Variants in OR51B5 observed in about 807,000 individuals in gnomAD.
OR51B5 encodes olfactory receptor family 51 subfamily B member 5, also known as olfactory receptor 51B5.
For missense variants in OR51B5, 456 were observed against 374.6 expected, an observed-to-expected ratio of 1.22 and a Z score of -1.79; for synonymous variants, 186 against 144.8, an observed-to-expected ratio of 1.28 and a Z score of -2.04.
intron 1 of OR51B5, among the ~76,000 whole-genome samples, chr11:5,424,512 C>A (rs1466822): frequency 0.54 from 81,566 of 151,606 alleles, 22,188 homozygotes; most frequent in African/African-American, 0.56. Context: ...CTGAGGCCGC[C>A]CTCCATCCTC....
chr11:5,456,364 C>T (rs888360696), intron 1 of OR51B5: 3 of 152,032 alleles, frequency 2.0e-5, no homozygotes, highest in Non-Finnish European at 4.4e-5. Flanking sequence ...TTTTTCCCTC[C>T]CTCATGAGAC....
intron 1 of OR51B5, among the ~76,000 whole-genome samples, chr11:5,353,371 G>A (rs982399211): frequency 1.3e-5 from 2 of 152,152 alleles, no homozygotes; most frequent in African/African-American, 4.8e-5. Flanking sequence ...TCATAAAGTG[G>A]TATGAGAGGT....
chr11:5,453,495 T>C (rs371172345), intron 1 of OR51B5: 5 of 1,541,158 alleles, frequency 3.2e-6, no homozygotes, highest in South Asian at 2.6e-5. Flanking sequence ...TGCTATGGGG[T>C]TGTTCAATGT....
chr11:5,390,363 A>G lies in OR51B5; in HGVS notation n.85-43453T>C, dbSNP rs769258777. Reference sequence around the variant, plus strand: ...GCCATTATCAAGTTCCTAGGTCTTAAAAAGGCCAGTAAATGAGTCCTGGGG... The same window carrying G: ...GCCATTATCAAGTTCCTAGGTCTTAGAAAGGCCAGTAAATGAGTCCTGGGG... On this transcript the variant is annotated intron_variant and non_coding_transcript_variant, in intron 1 of 4. Transcript: ENST00000415970. 1.0e-5 allele frequency: 16 copies of G among 1,600,814 alleles called. No individual in the cohort carries two copies. In the South Asian group the frequency reaches 1.5e-4, roughly 15 times the overall value.
intron 1 of OR51B5, among the ~76,000 whole-genome samples, chr11:5,426,385 T>C (rs1161805800): frequency 6.6e-6 from 1 of 152,076 alleles, no homozygotes; most frequent in African/African-American, 2.4e-5. Context: ...ATTTAAGACA[T>C]TATAGGATTA....
At chr11:5,460,613 TG>T (rs34996424) in intron 1 of OR51B5, among the ~76,000 whole-genome samples, 96,287 of 151,956 alleles carry the variant, frequency 0.63, 30,945 homozygotes, top group Non-Finnish European at 0.67. Flanking sequence ...GAACCATTGC[TG>T]GGGGAGCTGG....
intron 1 of OR51B5, among the ~76,000 whole-genome samples, chr11:5,464,812 T>C (rs1488602869): frequency 6.6e-6 from 1 of 152,154 alleles, no homozygotes. Context: ...AGTAATGGGA[T>C]GGCTGGGTCA....
intron 1 of OR51B5, among the ~76,000 whole-genome samples, chr11:5,466,889 C>A (rs1334300449): frequency 1.3e-5 from 2 of 152,222 alleles, no homozygotes. Flanking sequence ...TTTTGGGAAG[C>A]TGTATTTAGC....
intron 1 of OR51B5, among the ~76,000 whole-genome samples, chr11:5,467,303 C>T (rs12576842): frequency 0.13 from 20,314 of 152,090 alleles, 1,681 homozygotes; most frequent in East Asian, 0.37. Flanking sequence ...CTTAATGAGA[C>T]GTTCAGGGGG....
At chr11:5,342,009 T>G (rs1259830685), downstream of OR51B5, among the ~76,000 whole-genome samples, 1 of 152,186 alleles carries the variant, frequency 6.6e-6, no homozygotes, top group Non-Finnish European at 1.5e-5. Context: ...CATTATAATT[T>G]GATGGAGGGA....
intron 1 of OR51B5, among the ~76,000 whole-genome samples, chr11:5,381,180 A>ACACC (rs985867470): frequency 6.7e-6 from 1 of 148,578 alleles, no homozygotes. Flanking sequence ...TCTCTCACAC[A>ACACC]CACACAAACA....
chr11:5,443,645 T>C (rs1850724884), intron 1 of OR51B5, among the ~76,000 whole-genome samples: 1 of 152,134 alleles, frequency 6.6e-6, no homozygotes, highest in Non-Finnish European at 1.5e-5. Context: ...TGAGGTAGTC[T>C]AGAAAGTAAT....
chr11:5,343,048 C>G (rs146969859), exon 1 of OR51B5: 5 of 1,613,410 alleles, frequency 3.1e-6, no homozygotes, highest in Non-Finnish European at 4.2e-6. Flanking sequence ...AATAGAGGGG[C>G]CTGATTGGGG....
At chr11:5,425,011 G>A (rs1440702407) in intron 1 of OR51B5, among the ~76,000 whole-genome samples, 6 of 148,156 alleles carry the variant, frequency 4.0e-5, no homozygotes, top group Non-Finnish European at 7.4e-5. Context: ...GTGAAAGGCA[G>A]AAAGCAAATA....
At chr11:5,368,134 C>T (rs1388249734) in intron 1 of OR51B5, among the ~76,000 whole-genome samples, 1 of 152,216 alleles carries the variant, frequency 6.6e-6, no homozygotes, top group African/African-American at 2.4e-5. Flanking sequence ...TTTGTTGCAT[C>T]TTCAACCAAT....
At chr11:5,502,561 G>T (rs1366640836) in intron 1 of OR51B5, among the ~76,000 whole-genome samples, 1 of 152,102 alleles carries the variant, frequency 6.6e-6, no homozygotes, top group African/African-American at 2.4e-5. Flanking sequence ...CATGAAATTT[G>T]TTGTAATTAT....
intron 1 of OR51B5, among the ~76,000 whole-genome samples, chr11:5,418,236 C>A (rs1056076120): frequency 6.6e-6 from 1 of 151,894 alleles, no homozygotes. Flanking sequence ...AGGGGAACAT[C>A]ACACTCTGGG....
exon 1 of OR51B5, chr11:5,343,134 T>TATATCTAAG (rs756625882): frequency 5.0e-6 from 8 of 1,613,260 alleles, no homozygotes. Flanking sequence ...AGTACAGAGG[T>TATATCTAAG]ATATCTAAGA....
intron 1 of OR51B5, among the ~76,000 whole-genome samples, chr11:5,367,209 G>T (rs1268814981): frequency 2.6e-5 from 4 of 152,148 alleles, no homozygotes; most frequent in Non-Finnish European, 5.9e-5. Flanking sequence ...GGAGATTTTT[G>T]AAGTTAAAAG....
Sources: gnomAD v4.1 joint callset for allele counts (sites outside exome capture counted in the v4.1 genomes callset) on GRCh38, gnomAD v4.1.1 for gene constraint, MANE v1.5 for transcripts, NCBI Gene and HGNC (gene_info 2026-07-23, HGNC 2026-07-21) for gene names.